Variants in ERCC6L2 observed in about 807,000 individuals in gnomAD.
The protein encoded by ERCC6L2 is DNA excision repair protein ERCC-6-like 2.
In ERCC6L2, 77 loss-of-function variants were observed where a neutral mutation model predicts 132.0. That is an observed-to-expected ratio of 0.58 (90% confidence interval 0.49 to 0.71). The LOEUF (loss-of-function observed/expected upper bound fraction) is 0.71. ERCC6L2 is among the 30% of genes least tolerant of loss of function. The pLI is 0.00. For missense variants in ERCC6L2, 1,542 were observed against 1,837.6 expected (o/e 0.84, Z 2.94); for synonymous variants, 583 against 632.4 (o/e 0.92, Z 1.17).
At chr9:95,994,297 T>A (rs773510704) in intron 17 of ERCC6L2, among the ~76,000 whole-genome samples, 2 of 152,002 alleles carry the variant, frequency 1.3e-5, no homozygotes, top group Non-Finnish European at 2.9e-5. Context: ...GACCTTAGAA[T>A]CAGAACTTTT....
At position 96,013,054 on chromosome 9, in the gene ERCC6L2, C is replaced by G. The variant is rs1834089577; in HGVS notation, c.4504C>G (p.Leu1502Val). 1 of 1,367,622 alleles carries G rather than the reference C, an allele frequency of 7.3e-7. No individual in the cohort carries two copies. The highest frequency in any genetic ancestry group is 1.1e-5 in the South Asian group (1 of 88,054). The allele number at this position is 1,367,622 out of a possible 1,614,324, so 84.7% of individuals were successfully genotyped here. Reference protein sequence around the residue: ...KLTDLAVIETLCEKAPLAAPF... With the variant: ...KLTDLAVIETVCEKAPLAAPF... ...CACAGACTTGGCAGTAATAGAGACTCTGTGTGAAAAAGCACCTCTAGCAGC... is the reference window on the plus strand; with the variant it reads ...CACAGACTTGGCAGTAATAGAGACTGTGTGTGAAAAAGCACCTCTAGCAGC... Residue 1502 changes from leucine to valine, a missense_variant, in exon 19 of 19, where the codon CTG (leucine) becomes GTG (valine). Physicochemically the swap from Leu to Val is conservative, Grantham distance 32 (BLOSUM62 1). This residue lies in a region of ERCC6L2 where 442 missense variants were observed against 583.4 expected (regional missense o/e 0.76). Coordinates refer to ENST00000653738, the MANE Select transcript of ERCC6L2 (RefSeq NM_020207.7).
At chr9:95,907,926 A>G (rs1050093535) in intron 4 of ERCC6L2, among the ~76,000 whole-genome samples, 1 of 150,676 alleles carries the variant, frequency 6.6e-6, no homozygotes, top group African/African-American at 2.4e-5. Context: ...CACCAGTGAG[A>G]TAAGCAGGGA....
chr9:96,034,027 C>T (rs1251701911), intron 19 of ERCC6L2, among the ~76,000 whole-genome samples: 1 of 152,232 alleles, frequency 6.6e-6, no homozygotes, highest in African/African-American at 2.4e-5. Context: ...CTCTGAGCCC[C>T]GCTGCTCTCC....
At position 96,004,721 on chromosome 9, in the gene ERCC6L2, AC is replaced by A; in HGVS notation, c.3674+21del. Reference sequence around the variant, plus strand: ...CCGCAGGTATATTGTCTCTGACAATACTATACTTGAAGAATAATTCTCAAAG... The same window carrying A: ...CCGCAGGTATATTGTCTCTGACAATATATACTTGAAGAATAATTCTCAAAG... On this transcript the variant is annotated intron_variant, in intron 18 of 18. Transcript: ENST00000653738. 1 of 1,293,046 alleles carries A rather than the reference AC, an allele frequency of 7.7e-7. No individual in the cohort carries two copies. Among genetic ancestry groups the A allele is most frequent in the Non-Finnish European group, 1.0e-6 (1 of 973,568 alleles). The allele number at this position is 1,293,046 out of a possible 1,614,324, so 80.1% of individuals were successfully genotyped here. A position where few individuals can be genotyped will look rare whatever the true frequency, so the allele number is the denominator to read the frequency against.
At chr9:95,911,237 A>G (rs1173184765) in intron 4 of ERCC6L2, among the ~76,000 whole-genome samples, 1 of 152,134 alleles carries the variant, frequency 6.6e-6, no homozygotes, top group Non-Finnish European at 1.5e-5. Context: ...ACCCCAAAAG[A>G]TGTTTTGCAA....
intron 2 of ERCC6L2, among the ~76,000 whole-genome samples, chr9:95,891,257 G>C (rs1587851341): frequency 6.6e-6 from 1 of 152,222 alleles, no homozygotes; most frequent in East Asian, 1.9e-4. Context: ...GATATTTACT[G>C]ACTTGACACT....
chr9:96,012,125 T>C (rs757497913), intron 18 of ERCC6L2, 100 bp from the exon 19 acceptor site: 3 of 789,520 alleles, frequency 3.8e-6, no homozygotes, highest in Non-Finnish European at 5.1e-6. Context: ...AGGAACAAGA[T>C]TACCTTCTGT....
rs75695852 is a variant in ERCC6L2, at chr9:96,015,645, A to G, written c.*2442A>G. ...CCCGTCTCTACTAAAAAAAAAAAAA[A>G]TACAAAAATTAGCCAGGCGTGGTGG... is the stretch of plus-strand genomic sequence containing the variant. On this transcript the variant is annotated 3_prime_UTR_variant, in exon 19 of 19. Coordinates refer to ENST00000653738, the MANE Select transcript of ERCC6L2 (RefSeq NM_020207.7). Among the ~76,000 whole-genome samples, 1 of 149,350 alleles carries G rather than the reference A, an allele frequency of 6.7e-6. No individual in the cohort carries two copies. The highest frequency in any genetic ancestry group is 1.5e-5 in the Non-Finnish European group (1 of 67,130).
chr9:96,025,578 C>T (rs983715204), intron 19 of ERCC6L2: 4 of 152,172 alleles, frequency 2.6e-5, no homozygotes, highest in African/African-American at 9.7e-5. Flanking sequence ...CAAAGCCCAC[C>T]ACACATCAGA....
chr9:95,944,395 G>A (rs1418897157), intron 12 of ERCC6L2, among the ~76,000 whole-genome samples: 1 of 152,194 alleles, frequency 6.6e-6, no homozygotes, highest in African/African-American at 2.4e-5. Flanking sequence ...ATTGTGTAAT[G>A]GGCATGGAAT....
At chr9:95,920,056 T>A (rs978883932) in intron 6 of ERCC6L2, among the ~76,000 whole-genome samples, 1 of 152,220 alleles carries the variant, frequency 6.6e-6, no homozygotes, top group African/African-American at 2.4e-5. Flanking sequence ...CCTTCTATGA[T>A]ATGGGCACTG....
chr9:95,950,818 C>G (rs1831296758), intron 12 of ERCC6L2, among the ~76,000 whole-genome samples: 1 of 151,948 alleles, frequency 6.6e-6, no homozygotes, highest in Admixed American at 6.6e-5. Context: ...CAATAGAGCC[C>G]CAAATTGTAT....
At chr9:95,989,790 G>T (rs1442783345) in intron 17 of ERCC6L2, among the ~76,000 whole-genome samples, 2 of 152,180 alleles carry the variant, frequency 1.3e-5, no homozygotes, top group Non-Finnish European at 2.9e-5. Context: ...CTTAAATCAA[G>T]GTGCATACCA....
Position 95,978,041 on chromosome 9 carries a change from A to T in ERCC6L2, c.3338-20A>T. The stretch of plus-strand genomic sequence containing the variant: ...GCTTTATACTGATACATCACTTAAT[A>T]AACATAAATTACCTCCTAGATGGCG... On this transcript the variant is annotated intron_variant, in intron 16 of 18. Transcript: ENST00000653738. 7.4e-7 allele frequency: 1 copy of T among 1,353,550 alleles called. No individual in the cohort carries two copies. The highest frequency in any genetic ancestry group is 9.8e-7 in the Non-Finnish European group (1 of 1,015,908). 83.8% of individuals were successfully genotyped at this position (1,353,550 alleles called of 1,614,324 possible).
intron 4 of ERCC6L2, among the ~76,000 whole-genome samples, chr9:95,914,798 A>G (rs1829503237): frequency 6.6e-6 from 1 of 152,216 alleles, no homozygotes; most frequent in African/African-American, 2.4e-5. Flanking sequence ...CCAACTTATC[A>G]CACTATTTTT....
chr9:95,954,829 G>A (rs1418747078), intron 12 of ERCC6L2: 2 of 471,170 alleles, frequency 4.2e-6, no homozygotes, highest in East Asian at 1.4e-4. Flanking sequence ...CCCTGGTGGT[G>A]CTGTGTCACA....
In ERCC6L2 at chr9:96,018,218, C is replaced by T. The variant is rs540951497; in HGVS notation, c.*5015C>T. 9.9e-5 allele frequency among the ~76,000 whole-genome samples: 15 copies of T among 152,068 alleles called. No individual in the cohort carries two copies. In the East Asian group the frequency reaches 2.9e-3, roughly 29 times the overall value. ...GACACTGAAGTGTACACTTAAAAGT[C>T]ATTAAAATGCTAAATTTTGTATGTG... On this transcript the variant is annotated 3_prime_UTR_variant, in exon 19 of 19. Transcript: ENST00000653738.
Position 96,017,649 on chromosome 9 carries a change from T to C in ERCC6L2, c.*4446T>C, listed in dbSNP as rs1168815801. ...CCACCTGCCTGACCTTCTGTCCCCC[T>C]GGGACACAGTATTTCCAGAGAGGTG... is the stretch of plus-strand genomic sequence containing the variant. On this transcript the variant is annotated 3_prime_UTR_variant, in exon 19 of 19. Coordinates refer to ENST00000653738, the MANE Select transcript of ERCC6L2 (RefSeq NM_020207.7). Among the ~76,000 whole-genome samples, 1 of 152,228 alleles carries C rather than the reference T, an allele frequency of 6.6e-6. No homozygotes were observed. The highest frequency in any genetic ancestry group is 1.5e-5 in the Non-Finnish European group (1 of 68,030).
At chr9:95,983,877 T>C (rs1832985751) in intron 17 of ERCC6L2, among the ~76,000 whole-genome samples, 1 of 152,242 alleles carries the variant, frequency 6.6e-6, no homozygotes, top group South Asian at 2.1e-4. Flanking sequence ...TACATCGCTG[T>C]GGTCTTTGAC....
Sources: allele counts gnomAD v4.1 joint callset (sites outside exome capture counted in the v4.1 genomes callset), GRCh38; gene constraint gnomAD v4.1.1; regional missense constraint gnomAD v4.1.1; transcripts MANE v1.5; gene names NCBI Gene and HGNC (gene_info 2026-07-23, HGNC 2026-07-21).